The following HECW1 variants were observed in gnomAD, a reference collection of about 807,000 sequenced individuals.
HECW1 encodes the protein E3 ubiquitin-protein ligase HECW1.
A neutral mutation model predicts 182.3 loss-of-function variants in HECW1; 61 were observed. That is an observed-to-expected ratio of 0.33 (90% CI 0.27 to 0.41). HECW1 has a LOEUF of 0.41. HECW1 is among the 10% of genes least tolerant of loss of function. The pLI is 1.00. For missense variants in HECW1, 1,739 were observed against 2,108.9 expected, an observed-to-expected ratio of 0.82 and a Z score of 3.44; for synonymous variants, 859 against 832.6, an observed-to-expected ratio of 1.03 and a Z score of -0.55.
intron 2 of HECW1, among the ~76,000 whole-genome samples, chr7:43,192,479 T>C (rs1178040135): frequency 6.6e-6 from 1 of 151,796 alleles, no homozygotes; most frequent in African/African-American, 2.4e-5. Context: ...AGTATACATA[T>C]ATCTAATATG....
intron 3 of HECW1, among the ~76,000 whole-genome samples, chr7:43,291,073 C>A (rs113760337): frequency 6.6e-6 from 1 of 152,216 alleles, no homozygotes; most frequent in African/African-American, 2.4e-5. Context: ...TTCTCCTCCA[C>A]GCTGTTATAT....
intron 3 of HECW1, among the ~76,000 whole-genome samples, chr7:43,246,461 A>G (rs900801550): frequency 7.9e-4 from 121 of 152,216 alleles, no homozygotes; most frequent in African/African-American, 2.7e-3. Flanking sequence ...CCAGGGGTAC[A>G]TCGCAAACCA....
chr7:43,186,576 G>A (rs1436324683), intron 2 of HECW1, among the ~76,000 whole-genome samples: 1 of 151,894 alleles, frequency 6.6e-6, no homozygotes, highest in Non-Finnish European at 1.5e-5. Context: ...GGCTGAGGCA[G>A]GAGAATGGCA....
At chr7:43,113,121 C>CCCGGT (rs1444688280) in intron 1 of HECW1, among the ~76,000 whole-genome samples, 184 bp downstream of exon 1, 2 of 152,176 alleles carry the variant, frequency 1.3e-5, no homozygotes, top group Non-Finnish European at 2.9e-5. Context: ...CGCGCCGCCG[C>CCCGGT]CCGGTCCGGG....
At chr7:43,326,479 G>C (rs1810804589) in intron 5 of HECW1, among the ~76,000 whole-genome samples, 1 of 152,304 alleles carries the variant, frequency 6.6e-6, no homozygotes, top group East Asian at 1.9e-4. Context: ...TAAAATGAAA[G>C]TGATATATGT....
In HECW1 at chr7:43,442,641, A is replaced by C. The variant is rs760862013; in HGVS notation, c.1045+12A>C. On this transcript the variant is annotated intron_variant, in intron 10 of 29. Coordinates refer to ENST00000395891, the MANE Select transcript of HECW1 (RefSeq NM_015052.5). ...CTCCATCCACCCAGGTATTTTCAGCATGAACTTCATGTCTTGTCCTAGGCT... is the reference window on the plus strand; with the variant it reads ...CTCCATCCACCCAGGTATTTTCAGCCTGAACTTCATGTCTTGTCCTAGGCT... 6.4e-7 allele frequency: 1 copy of C among 1,551,014 alleles called. No individual in the cohort carries two copies. The highest frequency in any genetic ancestry group is 1.1e-5 in the South Asian group (1 of 89,316).
rs191853470 is a variant in HECW1 at position 43,486,503 on chromosome 7, G to A, written c.3235-5572G>A. Among the ~76,000 whole-genome samples, 996 of 152,188 alleles carry A rather than the reference G, an allele frequency of 6.5e-3. 7 individuals are homozygous for A. The highest frequency in any genetic ancestry group is 0.023 in the African/African-American group (935 of 41,516). ...TCTTTAGTAGAGACGGGGTTTCACC[G>A]TGTTGGCCAGGCTGGTCTCAAACTC... On this transcript the variant is annotated intron_variant, in intron 17 of 29. Transcript: ENST00000395891.
At chr7:43,476,242 A>G (rs2078215925) in intron 16 of HECW1, among the ~76,000 whole-genome samples, 1 of 152,222 alleles carries the variant, frequency 6.6e-6, no homozygotes, top group Non-Finnish European at 1.5e-5. Context: ...ATGAAGGGTT[A>G]TAAAACATTA....
At chr7:43,390,817 T>G (rs897107938) in intron 6 of HECW1, among the ~76,000 whole-genome samples, 116 of 152,108 alleles carry the variant, frequency 7.6e-4, no homozygotes, top group Non-Finnish European at 1.3e-3. Context: ...AGGAGCTAGG[T>G]TAAACATTAA....
intron 2 of HECW1, among the ~76,000 whole-genome samples, chr7:43,177,823 AC>A (rs1792409498): frequency 6.6e-6 from 1 of 151,872 alleles, no homozygotes. Context: ...CAAATCCCAA[AC>A]CTATCCATCT....
chr7:43,327,118 G>T lies in HECW1; in HGVS notation c.460+6376G>T, dbSNP rs146066435. 2.3e-3 allele frequency among the ~76,000 whole-genome samples: 354 copies of T among 152,308 alleles called. 1 individual carries two copies. Among genetic ancestry groups the T allele is most frequent in the Non-Finnish European group, 3.8e-3 (256 of 68,038 alleles). ...TTTCCAAGGAGATGTCTCAATCTGT[G>T]CTACAATAAATACTTGGGCCATAGG... On this transcript the variant is annotated intron_variant, in intron 5 of 29. Transcript: ENST00000395891.
chr7:43,299,622 T>C (rs1806480651), intron 3 of HECW1, among the ~76,000 whole-genome samples: 1 of 152,190 alleles, frequency 6.6e-6, no homozygotes, highest in African/African-American at 2.4e-5. Flanking sequence ...GTGTGGAAAA[T>C]GTCAGAAGAG....
chr7:43,474,514 C>A (rs1326851037), intron 16 of HECW1, among the ~76,000 whole-genome samples: 1 of 151,852 alleles, frequency 6.6e-6, no homozygotes, highest in Non-Finnish European at 1.5e-5. Context: ...TTATATTAAT[C>A]AATGGCAAAA....
chr7:43,231,182 GAAAGTAGCAGA>G (rs1481378278), intron 2 of HECW1, among the ~76,000 whole-genome samples: 3 of 152,210 alleles, frequency 2.0e-5, no homozygotes, highest in Non-Finnish European at 2.9e-5. Context: ...CCCACAGCCA[GAAAGTAGCAGA>G]ATGAGACTTG....
chr7:43,397,020 A>G, intron 7 of HECW1, 131 bp downstream of exon 7: 2 of 704,074 alleles, frequency 2.8e-6, no homozygotes, highest in Admixed American at 2.1e-5. Context: ...CAATCTGTAA[A>G]GCAAAAATGT....
intron 2 of HECW1, chr7:43,207,731 T>C (rs1315600811): frequency 6.6e-6 from 1 of 152,218 alleles, no homozygotes; most frequent in Admixed American, 6.5e-5. Flanking sequence ...ATATGGTGCC[T>C]AACTTTCTAT....
At chr7:43,363,102 A>G (rs1307977995) in intron 6 of HECW1, among the ~76,000 whole-genome samples, 1 of 152,252 alleles carries the variant, frequency 6.6e-6, no homozygotes, top group Non-Finnish European at 1.5e-5. Context: ...CCTGCTGCTC[A>G]GACCAGTGCA....
At chr7:43,142,797 C>T (rs540479436) in intron 2 of HECW1, among the ~76,000 whole-genome samples, 8 of 151,656 alleles carry the variant, frequency 5.3e-5, no homozygotes, top group East Asian at 2.0e-4. Context: ...TGCTCAGAAG[C>T]GGGGTTCCGG....
At chr7:43,331,483 C>T (rs1332669202) in intron 5 of HECW1, among the ~76,000 whole-genome samples, 3 of 151,822 alleles carry the variant, frequency 2.0e-5, no homozygotes, top group African/African-American at 7.3e-5. Context: ...GTCCCAGCTA[C>T]TCGGGAGGCT....
Sources: allele counts gnomAD v4.1 joint callset (sites outside exome capture counted in the v4.1 genomes callset), GRCh38; gene constraint gnomAD v4.1.1; transcripts MANE v1.5; gene names NCBI Gene and HGNC (gene_info 2026-07-23, HGNC 2026-07-21).